Variants in HCK observed in about 807,000 individuals in gnomAD.
HCK encodes HCK proto-oncogene, Src family tyrosine kinase, also known as tyrosine-protein kinase HCK.
In HCK, 40 loss-of-function variants were observed where a neutral mutation model predicts 70.4. The observed-to-expected ratio is 0.57, with a 90% CI of 0.44 to 0.74. The LOEUF (loss-of-function observed/expected upper bound fraction) is 0.74, where lower values mean the gene tolerates loss of function less well. Ranked by LOEUF, HCK falls within the 30% of genes least tolerant of loss-of-function variation. The probability of loss-of-function intolerance (pLI) is 0.00; values close to 1 mark genes in which losing one functional copy is unlikely to be tolerated. For missense variants in HCK, 568 were observed against 697.2 expected (o/e 0.81, Z 2.09); for synonymous variants, 245 against 263.2 (o/e 0.93, Z 0.67).
In HCK at chr20:32,075,698, CCATCCATT is replaced by C. The variant is rs879665893; in HGVS notation, c.428+985_428+992del. ...ATACTTCAGTCATCCATCCATCCAT[CCATCCATT>C]CATCCATCCATCCATCCATCCATCC... On this transcript the variant is annotated intron_variant, in intron 5 of 12. Coordinates refer to ENST00000375852, the MANE Select transcript of HCK (RefSeq NM_002110.5). Among the ~76,000 whole-genome samples, 178 of 148,324 alleles carry C rather than the reference CCATCCATT, an allele frequency of 1.2e-3. 1 individual carries two copies. Among genetic ancestry groups the C allele is most frequent in the East Asian group, 2.0e-3 (10 of 5,072 alleles).
chr20:32,057,887 A>C (rs2045296889), intron 1 of HCK, among the ~76,000 whole-genome samples: 2 of 151,958 alleles, frequency 1.3e-5, no homozygotes, highest in African/African-American at 4.8e-5. Context: ...GTGGGTAATG[A>C]TGCAGAAGCA....
chr20:32,094,751 A>AGAGAGAG (rs2045916974), intron 11 of HCK, among the ~76,000 whole-genome samples: 1 of 87,920 alleles, frequency 1.1e-5, no homozygotes, highest in Non-Finnish European at 2.2e-5. Flanking sequence ...GAAAGAAAGA[A>AGAGAGAG]AGAAAGAAAG....
chr20:32,078,339 C>A (rs949010488), intron 5 of HCK, among the ~76,000 whole-genome samples: 3 of 151,896 alleles, frequency 2.0e-5, no homozygotes, highest in Admixed American at 2.0e-4. Flanking sequence ...GCCACCGCGC[C>A]CAGCCGGGGG....
At position 32,101,529 on chromosome 20, in the gene HCK, C is replaced by T. The variant is rs747035016; in HGVS notation, c.*10C>T. 6.2e-7 allele frequency: 1 copy of T among 1,608,876 alleles called. No individual in the cohort carries two copies. The highest frequency in any genetic ancestry group is 8.5e-7 in the Non-Finnish European group (1 of 1,177,268). ...CCAACAGCAGCCATGATAGGGAGGA[C>T]CAGGGCAGGGCCAGGGGGTGCCCAG... On this transcript the variant is annotated 3_prime_UTR_variant, in exon 13 of 13. Transcript: ENST00000375852.
intron 5 of HCK, 46 bp downstream of exon 5, chr20:32,074,767 C>A: frequency 1.4e-6 from 2 of 1,409,492 alleles, no homozygotes; most frequent in Non-Finnish European, 2.0e-6. Flanking sequence ...ATGAGCAAAG[C>A]CAGCCTTGTT....
intron 6 of HCK, among the ~76,000 whole-genome samples, chr20:32,080,618 C>T (rs1300920790): frequency 2.0e-5 from 3 of 152,156 alleles, no homozygotes; most frequent in African/African-American, 4.8e-5. Flanking sequence ...CTCAGTCTCC[C>T]GAGTAGCTGG....
rs1483788387 is a variant in HCK, at chr20:32,080,726, G to A, written c.532+849G>A. 2.0e-5 allele frequency among the ~76,000 whole-genome samples: 3 copies of A among 151,910 alleles called. No homozygotes were observed. In the East Asian group the frequency reaches 5.8e-4, roughly 29 times the overall value. ...GGGGTTTTGCCATGTTGCCTAGGCT[G>A]GCCTCGAACTTCTGGACTCAAGCAA... On this transcript the variant is annotated intron_variant, in intron 6 of 12. Transcript: ENST00000375852.
intron 1 of HCK, among the ~76,000 whole-genome samples, chr20:32,055,170 A>T (rs1005286139): frequency 2.8e-4 from 43 of 151,044 alleles, no homozygotes; most frequent in African/African-American, 9.9e-4. Flanking sequence ...CACCTGTCAC[A>T]CTCCCCTTTG....
chr20:32,054,083 C>A, intron 1 of HCK: 1 of 385,834 alleles, frequency 2.6e-6, no homozygotes, highest in Non-Finnish European at 5.2e-6. Flanking sequence ...ATCCACCATC[C>A]AGAATTAACA....
chr20:32,071,414 G>C (rs113954151), intron 1 of HCK, among the ~76,000 whole-genome samples: 1 of 152,242 alleles, frequency 6.6e-6, no homozygotes, highest in Admixed American at 6.5e-5. Flanking sequence ...TGGTACCCAC[G>C]ACAATGACAG....
chr20:32,054,200 T>C (rs1287244267), intron 1 of HCK: 1 of 456,358 alleles, frequency 2.2e-6, no homozygotes, highest in Non-Finnish European at 4.4e-6. Context: ...TCAGTCCTGT[T>C]TCTCTCCCTC....
At chr20:32,076,224 G>C (rs2045623492) in intron 5 of HCK, among the ~76,000 whole-genome samples, 1 of 152,148 alleles carries the variant, frequency 6.6e-6, no homozygotes, top group African/African-American at 2.4e-5. Flanking sequence ...TACTCGGGAG[G>C]CTGAGGCAGG....
chr20:32,066,331 T>TTA (rs60044994), intron 1 of HCK, among the ~76,000 whole-genome samples: 1 of 81,876 alleles, frequency 1.2e-5, no homozygotes, highest in African/African-American at 4.3e-5. Context: ...TTTTTTTTTT[T>TTA]GACAGAGTCT....
intron 11 of HCK, among the ~76,000 whole-genome samples, chr20:32,096,499 CAAAAAAAAA>C (rs55905450): frequency 2.2e-5 from 2 of 92,464 alleles, no homozygotes; most frequent in African/African-American, 4.1e-5. Context: ...GACTCCGTCT[CAAAAAAAAA>C]AAAAAAAAAA....
intron 6 of HCK, among the ~76,000 whole-genome samples, chr20:32,082,478 C>T (rs922270988): frequency 4.6e-5 from 7 of 151,958 alleles, no homozygotes; most frequent in African/African-American, 1.7e-4. Context: ...TCCATCTCTA[C>T]TAAAAATACA....
intron 10 of HCK, among the ~76,000 whole-genome samples, chr20:32,090,580 G>A (rs1167612767): frequency 1.3e-5 from 2 of 152,154 alleles, no homozygotes; most frequent in Non-Finnish European, 2.9e-5. Flanking sequence ...TAACCTTGAG[G>A]CATCCATAGG....
chr20:32,076,411 G>T lies in HCK; in HGVS notation c.428+1690G>T, dbSNP rs2045626878. Among the ~76,000 whole-genome samples the T allele has an allele frequency of 3.3e-5, 5 of 152,282 alleles. No individual in the cohort carries two copies. The South Asian group carries it at 1.0e-3, about 32-fold the overall frequency. ...TTTCTCTCTCCTTCTTCCAGGCTTTGCCCTGGGTCATCCCATGCTCTGTTT... is the reference window on the plus strand; with the variant it reads ...TTTCTCTCTCCTTCTTCCAGGCTTTTCCCTGGGTCATCCCATGCTCTGTTT... On this transcript the variant is annotated intron_variant, in intron 5 of 12. Coordinates refer to ENST00000375852, the MANE Select transcript of HCK (RefSeq NM_002110.5).
intron 12 of HCK, among the ~76,000 whole-genome samples, chr20:32,099,556 C>T (rs1248326010): frequency 6.6e-6 from 1 of 151,946 alleles, no homozygotes; most frequent in Non-Finnish European, 1.5e-5. Flanking sequence ...CGGGGTTTCA[C>T]CATGTTGGCC....
intron 1 of HCK, among the ~76,000 whole-genome samples, chr20:32,062,503 C>A (rs1248438094): frequency 1.3e-5 from 2 of 152,156 alleles, no homozygotes; most frequent in Non-Finnish European, 1.5e-5. Flanking sequence ...AGAGCCAGCC[C>A]TATGGCTCAG....
Sources: gnomAD v4.1 joint callset for allele counts (sites outside exome capture counted in the v4.1 genomes callset) on GRCh38, gnomAD v4.1.1 for gene constraint, MANE v1.5 for transcripts, NCBI Gene and HGNC (gene_info 2026-07-23, HGNC 2026-07-21) for gene names.